Variants in RABGAP1 observed in about 807,000 individuals in gnomAD.
The protein encoded by RABGAP1 is RAB GTPase activating protein 1.
RABGAP1 carries 23 observed loss-of-function variants against 137.6 expected under a neutral mutation model. The ratio of observed to expected loss-of-function variants is 0.17; its 90% confidence interval spans 0.12 to 0.24. The LOEUF is 0.24. RABGAP1 is among the 10% of genes least tolerant of loss of function. The pLI, the probability that RABGAP1 is intolerant of heterozygous loss-of-function variation, is 1.00. For missense variants in RABGAP1, 906 were observed against 1,275.8 expected, an observed-to-expected ratio of 0.71 and a Z score of 4.42; for synonymous variants, 451 against 450.7, an observed-to-expected ratio of 1.00 and a Z score of -0.01.
At chr9:122,987,468 C>G (rs1300699102) in intron 4 of RABGAP1, among the ~76,000 whole-genome samples, 1 of 151,740 alleles carries the variant, frequency 6.6e-6, no homozygotes, top group Non-Finnish European at 1.5e-5. Flanking sequence ...GTAAATATAC[C>G]TGCATATATA....
Position 123,070,536 on chromosome 9 carries a change from A to G in RABGAP1, c.1983+112A>G, listed in dbSNP as rs1438545449. The G allele has an allele frequency of 1.3e-6, 2 of 1,509,506 alleles. No homozygotes were observed. Among genetic ancestry groups the G allele is most frequent in the Admixed American group, 2.2e-5 (1 of 45,584 alleles). The allele number at this position is 1,509,506 out of a possible 1,614,324, so 93.5% of individuals were successfully genotyped here. On this transcript the variant is annotated intron_variant, in intron 15 of 25. Coordinates refer to ENST00000373647, the MANE Select transcript of RABGAP1 (RefSeq NM_012197.4). The surrounding 1 kb of genome is among the most constrained non-coding windows in gnomAD (Gnocchi z 4.4). ...GTTTGGACAGACTCTTAAGGCATGA[A>G]TTTTAACACCTATAGCTGGAAACTT... is the stretch of plus-strand genomic sequence containing the variant.
chr9:122,999,645 G>A (rs1477592931), intron 10 of RABGAP1, among the ~76,000 whole-genome samples: 4 of 151,472 alleles, frequency 2.6e-5, no homozygotes, highest in Non-Finnish European at 5.9e-5. Context: ...TTTTCTTTCC[G>A]TTTATCCTGC....
intron 10 of RABGAP1, among the ~76,000 whole-genome samples, chr9:123,004,697 T>C (rs551165556): frequency 6.6e-6 from 1 of 152,344 alleles, no homozygotes; most frequent in East Asian, 1.9e-4. Context: ...CTTTTTAAAA[T>C]ATTTATATGC....
chr9:123,000,881 A>G (rs985440996), intron 10 of RABGAP1, among the ~76,000 whole-genome samples: 1 of 151,970 alleles, frequency 6.6e-6, no homozygotes, highest in Non-Finnish European at 1.5e-5. Flanking sequence ...TTTTCAACAT[A>G]ATAGTAGCCT....
chr9:123,012,486 G>GC (rs1446171655), intron 11 of RABGAP1, among the ~76,000 whole-genome samples: 40 of 152,282 alleles, frequency 2.6e-4, no homozygotes, highest in Middle Eastern at 3.4e-3. Context: ...AGAAATCTGG[G>GC]CCCGACTAAA....
At chr9:123,008,682 TA>T (rs2030529044) in intron 10 of RABGAP1, among the ~76,000 whole-genome samples, 1 of 152,120 alleles carries the variant, frequency 6.6e-6, no homozygotes, top group Non-Finnish European at 1.5e-5. Context: ...TTTCAAGAGT[TA>T]AAAATCATAA....
At chr9:123,099,376 T>C in intron 23 of RABGAP1, 102 bp from the exon 24 acceptor site, 1 of 1,115,182 alleles carries the variant, frequency 9.0e-7, no homozygotes, top group Non-Finnish European at 1.3e-6. Context: ...GGCTATTTGC[T>C]ACTATGTTAA....
At chr9:122,937,351 C>G (rs981999524), upstream of RABGAP1, among the ~76,000 whole-genome samples, 1 of 152,240 alleles carries the variant, frequency 6.6e-6, no homozygotes, top group South Asian at 2.1e-4. Context: ...GTAATCCCAG[C>G]GCTTTGGGAA....
At chr9:122,996,780 C>G (rs1414413523) in intron 8 of RABGAP1, among the ~76,000 whole-genome samples, 175 bp downstream of exon 8, 2 of 152,122 alleles carry the variant, frequency 1.3e-5, no homozygotes, top group African/African-American at 4.8e-5. Flanking sequence ...ATTTACAAGT[C>G]TGACTTTGGA....
rs981426877 is a variant in RABGAP1 at position 122,997,047 on chromosome 9, A to T, written c.1102-212A>T. The T allele has an allele frequency of 5.1e-6, 3 of 585,940 alleles. No homozygotes were observed. In the East Asian group the frequency reaches 9.2e-5, roughly 18 times the overall value. The allele number at this position is 585,940 out of a possible 1,614,324, so 36.3% of individuals were successfully genotyped here. On this transcript the variant is annotated intron_variant, in intron 8 of 25. Transcript: ENST00000373647. ...TGTGGATTTTCTTAATGTGTATACA[A>T]TTTGATATTCGTAAGCATATACATA...
chr9:123,034,495 G>A, intron 13 of RABGAP1: 2 of 910,872 alleles, frequency 2.2e-6, no homozygotes, highest in Non-Finnish European at 3.4e-6. Flanking sequence ...CGCAATGACA[G>A]CAGCTGCTTC....
chr9:123,003,643 A>T, intron 10 of RABGAP1, among the ~76,000 whole-genome samples: 1 of 152,224 alleles, frequency 6.6e-6, no homozygotes, highest in Admixed American at 6.5e-5. Flanking sequence ...CTGGTGACTC[A>T]GCAATTCCTT....
At chr9:123,052,807 G>A (rs927649787) in intron 13 of RABGAP1, among the ~76,000 whole-genome samples, 3 of 152,182 alleles carry the variant, frequency 2.0e-5, no homozygotes, top group Admixed American at 6.5e-5. Context: ...GGGCATGATG[G>A]TGCACGCCTG....
chr9:122,996,847 G>A, intron 8 of RABGAP1: 2 of 477,700 alleles, frequency 4.2e-6, no homozygotes, highest in Admixed American at 3.5e-5. Context: ...AAATATTTGA[G>A]TACAGTTGAT....
Position 123,024,289 on chromosome 9 carries a change from C to T in RABGAP1, c.1794+3830C>T, listed in dbSNP as rs191472935. 4.6e-5 allele frequency among the ~76,000 whole-genome samples: 7 copies of T among 152,246 alleles called. No homozygotes were observed. In the East Asian group the frequency reaches 5.8e-4, roughly 13 times the overall value. Reference sequence around the variant, plus strand: ...TAAGTATGTGTCAGATACTGTGCAGCGCACTTGGATGTGACAATTCACAGT... The same window carrying T: ...TAAGTATGTGTCAGATACTGTGCAGTGCACTTGGATGTGACAATTCACAGT... On this transcript the variant is annotated intron_variant, in intron 13 of 25. Transcript: ENST00000373647.
chr9:122,934,688 A>AT, the RABGAP1 span, among the ~76,000 whole-genome samples: 41 of 150,710 alleles, frequency 2.7e-4, no homozygotes, highest in African/African-American at 7.3e-4. Context: ...ATTTTATTTT[A>AT]TTTTATTTTT....
chr9:122,938,863 A>T (rs980321671), upstream of RABGAP1: 2 of 152,176 alleles, frequency 1.3e-5, no homozygotes, highest in African/African-American at 4.8e-5. Flanking sequence ...AAGCTCAATG[A>T]CTTCATGAGG....
At chr9:123,080,696 C>T (rs982016967) in intron 19 of RABGAP1, among the ~76,000 whole-genome samples, 1 of 152,092 alleles carries the variant, frequency 6.6e-6, no homozygotes, top group African/African-American at 2.4e-5. Context: ...CATTAGACCT[C>T]GAAAGGGCGG....
At chr9:123,010,032 C>A (rs2030656883) in intron 10 of RABGAP1, among the ~76,000 whole-genome samples, 1 of 152,164 alleles carries the variant, frequency 6.6e-6, no homozygotes, top group African/African-American at 2.4e-5. Flanking sequence ...TTAGTTGACA[C>A]TGGTTAAACA....
Sources: allele counts gnomAD v4.1 joint callset (sites outside exome capture counted in the v4.1 genomes callset), GRCh38; gene constraint gnomAD v4.1.1; non-coding constraint Gnocchi (gnomAD v3.1); transcripts MANE v1.5; gene names NCBI Gene and HGNC (gene_info 2026-07-23, HGNC 2026-07-21).